RGCC: variants seen among roughly 807,000 people sequenced by gnomAD.
RGCC encodes regulator of cell cycle.
A neutral mutation model predicts 15.4 loss-of-function variants in RGCC; 15 were observed. The observed-to-expected ratio is 0.97, with a 90% CI of 0.65 to 1.50. RGCC has a LOEUF of 1.50. Among genes scored for constraint, RGCC ranks in the 40% most tolerant of loss-of-function variants. RGCC has a pLI of 0.00. For missense variants in RGCC, 176 were observed against 189.7 expected (o/e 0.93, Z 0.42); for synonymous variants, 81 against 78.0 (o/e 1.04, Z -0.20).
rs2043872079 is a variant in RGCC, at chr13:41,470,756, C to T, written c.*271C>T. On this transcript the variant is annotated 3_prime_UTR_variant, in exon 5 of 5. Transcript: ENST00000379359. The stretch of plus-strand genomic sequence containing the variant: ...GTATTTTCTCTTAAAACATAGCTTT[C>T]CTGTAATTTAAAGTGCTTTTATGAA... The T allele has an allele frequency of 2.8e-6, 1 of 350,902 alleles. No homozygotes were observed. The allele number at this position is 350,902 out of a possible 1,614,324, so 21.7% of individuals were successfully genotyped here.
intron 4 of RGCC, among the ~76,000 whole-genome samples, chr13:41,470,056 G>C (rs566642112): frequency 1.3e-5 from 2 of 152,122 alleles, no homozygotes; most frequent in Admixed American, 1.3e-4. Context: ...CTAAAGAGCC[G>C]GGTAAACTCT....
In RGCC at chr13:41,457,923, G is replaced by A. The variant is rs796997804; in HGVS notation, c.49+167G>A. Among the ~76,000 whole-genome samples, 1 of 151,798 alleles carries A rather than the reference G, an allele frequency of 6.6e-6. No individual in the cohort carries two copies. The highest frequency in any genetic ancestry group is 1.5e-5 in the Non-Finnish European group (1 of 67,890). On this transcript the variant is annotated intron_variant, in intron 1 of 4. Coordinates refer to ENST00000379359, the MANE Select transcript of RGCC (RefSeq NM_014059.3). This position sits in a 1 kb window ranked among gnomAD's most constrained non-coding sequence, Gnocchi z 4.9. Reference sequence around the variant, plus strand: ...GCGGCTGCAGCCTCCTTTCCGGCCCGGGCTGGCCCCCATGTCCCACCTTCC... The same window carrying A: ...GCGGCTGCAGCCTCCTTTCCGGCCCAGGCTGGCCCCCATGTCCCACCTTCC...
chr13:41,469,701 T>C (rs964287426), intron 4 of RGCC, among the ~76,000 whole-genome samples: 1 of 152,202 alleles, frequency 6.6e-6, no homozygotes. Flanking sequence ...CTGAATGACC[T>C]GGATTAGGTA....
At position 41,467,226 on chromosome 13, in the gene RGCC, GAC is replaced by G. The variant is rs536565826; in HGVS notation, c.343+298_343+299del. Among the ~76,000 whole-genome samples the G allele has an allele frequency of 1.5e-3, 222 of 152,340 alleles. 1 individual carries two copies. Among genetic ancestry groups the G allele is most frequent in the African/African-American group, 5.1e-3 (214 of 41,586 alleles). On this transcript the variant is annotated intron_variant, in intron 3 of 4. Transcript: ENST00000379359. Reference sequence around the variant, plus strand: ...GTGATGTAATCAAGACTGTGCAAATGACAGTGTTTCTTAGGAGTCTCCTCCCA... The same window carrying G: ...GTGATGTAATCAAGACTGTGCAAATGAGTGTTTCTTAGGAGTCTCCTCCCA...
At chr13:41,465,389 C>T (rs2043841899) in intron 2 of RGCC, among the ~76,000 whole-genome samples, 1 of 152,364 alleles carries the variant, frequency 6.6e-6, no homozygotes, top group East Asian at 1.9e-4. Context: ...GCTCAGCCAG[C>T]AGCCCCTTTC....
intron 2 of RGCC, among the ~76,000 whole-genome samples, chr13:41,461,625 G>C (rs1457960585): frequency 6.6e-6 from 1 of 152,210 alleles, no homozygotes; most frequent in East Asian, 1.9e-4. Context: ...CAACAGAAAA[G>C]GTCTGAAGTC....
intron 2 of RGCC, among the ~76,000 whole-genome samples, chr13:41,461,638 C>G (rs2043821506): frequency 6.6e-6 from 1 of 152,178 alleles, no homozygotes; most frequent in African/African-American, 2.4e-5. Flanking sequence ...CTGAAGTCTA[C>G]TGTGTATGCT....
Position 41,458,610 on chromosome 13 carries a change from C to A in RGCC, c.235+140C>A. On this transcript the variant is annotated intron_variant, in intron 2 of 4. Coordinates refer to ENST00000379359, the MANE Select transcript of RGCC (RefSeq NM_014059.3). This position sits in a 1 kb window ranked among gnomAD's most constrained non-coding sequence, Gnocchi z 4.4. ...CTCAACGCAGTAGGCCGAGTGGTGGCGGGGCCCCTGACGATAATCACGGGA... is the reference window on the plus strand; with the variant it reads ...CTCAACGCAGTAGGCCGAGTGGTGGAGGGGCCCCTGACGATAATCACGGGA... The A allele has an allele frequency of 2.0e-6, 2 of 995,900 alleles. No homozygotes were observed. The highest frequency in any genetic ancestry group is 2.9e-6 in the Non-Finnish European group (2 of 698,660). The allele number at this position is 995,900 out of a possible 1,614,324, so 61.7% of individuals were successfully genotyped here.
At chr13:41,464,321 C>T (rs2043837169) in intron 2 of RGCC, 1 of 152,730 alleles carries the variant, frequency 6.5e-6, no homozygotes, top group Non-Finnish European at 1.5e-5. Flanking sequence ...ATGAGTTTCT[C>T]AGGCTGTATT....
chr13:41,470,699 G>T lies in RGCC; in HGVS notation c.*214G>T. On this transcript the variant is annotated 3_prime_UTR_variant, in exon 5 of 5. Coordinates refer to ENST00000379359, the MANE Select transcript of RGCC (RefSeq NM_014059.3). ...AACTGACTTTGTTTACCTGCTTGCAGCATATTAGAACAGACGATCCATGCT... is the reference window on the plus strand; with the variant it reads ...AACTGACTTTGTTTACCTGCTTGCATCATATTAGAACAGACGATCCATGCT... The T allele has an allele frequency of 1.7e-6, 1 of 578,568 alleles. No individual in the cohort carries two copies. The allele number at this position is 578,568 out of a possible 1,614,324, so 35.8% of individuals were successfully genotyped here.
chr13:41,469,295 T>TAGTAAGAAGAAGAAG (rs2043864430), intron 4 of RGCC, among the ~76,000 whole-genome samples: 1 of 86,726 alleles, frequency 1.2e-5, no homozygotes, highest in Admixed American at 1.2e-4. Flanking sequence ...ATAATAATAA[T>TAGTAAGAAGAAGAAG]AAGAAGAAGA....
rs1283706750 is a variant in RGCC, at chr13:41,457,650, C to T, written c.-58C>T. 6.0e-6 allele frequency: 9 copies of T among 1,502,458 alleles called. No homozygotes were observed. Among genetic ancestry groups the T allele is most frequent in the Non-Finnish European group, 8.0e-6 (9 of 1,127,524 alleles). The allele number at this position is 1,502,458 out of a possible 1,614,324, so 93.1% of individuals were successfully genotyped here. ...CGGGACAGCAAGCCCCCGAATAGCC[C>T]CGGCTGCCACCTCGCAGGACCCAAG... On this transcript the variant is annotated 5_prime_UTR_variant, in exon 1 of 5. Transcript: ENST00000379359. This position sits in a 1 kb window ranked among gnomAD's most constrained non-coding sequence, Gnocchi z 4.9.
intron 2 of RGCC, among the ~76,000 whole-genome samples, chr13:41,466,201 TC>T (rs1466197348): frequency 2.2e-3 from 227 of 104,380 alleles, no homozygotes; most frequent in African/African-American, 7.3e-3. Flanking sequence ...TCACACACAC[TC>T]ATACACTCAC....
At chr13:41,461,409 TTTTA>T (rs1308402743) in intron 2 of RGCC, among the ~76,000 whole-genome samples, 1 of 152,226 alleles carries the variant, frequency 6.6e-6, no homozygotes, top group African/African-American at 2.4e-5. Flanking sequence ...TTTTCAGTAT[TTTTA>T]AAACTGTAAA....
chr13:41,467,575 C>CT (rs1163553080), intron 3 of RGCC, among the ~76,000 whole-genome samples: 2 of 152,264 alleles, frequency 1.3e-5, no homozygotes, highest in East Asian at 3.9e-4. Flanking sequence ...ACAAAAGGAG[C>CT]TTTTTTTCTT....
chr13:41,468,538 T>G (rs1011282069), intron 3 of RGCC, among the ~76,000 whole-genome samples: 4 of 152,200 alleles, frequency 2.6e-5, no homozygotes, highest in Non-Finnish European at 5.9e-5. Context: ...AGGCTAGTCT[T>G]CAGAATCAGT....
intron 4 of RGCC, among the ~76,000 whole-genome samples, chr13:41,469,295 TAAGAAGAAG>T (rs370476569): frequency 0.016 from 1,374 of 86,676 alleles, 10 homozygotes; most frequent in South Asian, 0.041. Context: ...ATAATAATAA[TAAGAAGAAG>T]AAGAAGAAGA....
At chr13:41,463,799 C>T (rs7326471) in intron 2 of RGCC, among the ~76,000 whole-genome samples, 101,653 of 151,970 alleles carry the variant, frequency 0.67, 35,067 homozygotes, top group South Asian at 0.8. Flanking sequence ...TATGCTGAGT[C>T]TTTCCTGAAT....
At position 41,463,199 on chromosome 13, in the gene RGCC, G is replaced by C. The variant is rs78741053; in HGVS notation, c.236-3624G>C. ...TAGACACCCACTCGACAGTGGCATA[G>C]ATGCTAGATGCCCACTCGCCAGTGG... On this transcript the variant is annotated intron_variant, in intron 2 of 4. Transcript: ENST00000379359. Among the ~76,000 whole-genome samples, 677 of 152,276 alleles carry C rather than the reference G, an allele frequency of 4.4e-3. 10 individuals carry two copies. The highest frequency in any genetic ancestry group is 0.016 in the African/African-American group (652 of 41,554).
Sources: gnomAD v4.1 joint callset for allele counts (sites outside exome capture counted in the v4.1 genomes callset) on GRCh38, gnomAD v4.1.1 for gene constraint, Gnocchi (gnomAD v3.1) non-coding constraint, MANE v1.5 for transcripts, NCBI Gene and HGNC (gene_info 2026-07-23, HGNC 2026-07-21) for gene names.